The following TTC34 variants were observed in gnomAD, a reference collection of about 807,000 sequenced individuals.
TTC34 encodes tetratricopeptide repeat domain 34, also known as tetratricopeptide repeat protein 34.
In TTC34, 44 loss-of-function variants were observed where a neutral mutation model predicts 40.7. The observed-to-expected ratio is 1.08, with a 90% CI of 0.85 to 1.39. The LOEUF (loss-of-function observed/expected upper bound fraction) is 1.39, where lower values mean the gene tolerates loss of function less well. TTC34 is among the 40% of genes most tolerant of loss of function. The probability of loss-of-function intolerance (pLI) is 0.00; values close to 1 mark genes in which losing one functional copy is unlikely to be tolerated. For synonymous variants in TTC34, 422 were observed against 398.6 expected, an observed-to-expected ratio of 1.06 and a Z score of -0.70; for missense variants, 884 against 838.0, an observed-to-expected ratio of 1.05 and a Z score of -0.68.
intron 6 of TTC34, among the ~76,000 whole-genome samples, chr1:2,652,643 A>AC (rs1034811166): frequency 1.4e-5 from 2 of 146,746 alleles, no homozygotes; most frequent in African/African-American, 5.2e-5. Flanking sequence ...CAGCATCCAC[A>AC]CCCCCAGGTG....
Position 2,773,177 on chromosome 1 carries a change from C to T in TTC34, c.2226+10432G>A, listed in dbSNP as rs1569847794. On this transcript the variant is annotated intron_variant, in intron 6 of 8. Transcript: ENST00000401095. ...CTGACAGCCTGGAGCAGCGCCCACA[C>T]CCCCAGGTGAGCATGTGACAGCCTG... Among the ~76,000 whole-genome samples the T allele has an allele frequency of 8.3e-5, 11 of 132,640 alleles. No homozygotes were observed. In the South Asian group the frequency reaches 2.5e-3, roughly 30 times the overall value. 87.0% of individuals were successfully genotyped at this position (132,640 alleles called of 152,430 possible).
chr1:2,645,386 G>T lies in TTC34; in HGVS notation c.2404C>A (p.Gln802Lys). The change falls in exon 7 of 9, where the codon CAG becomes AAG. Residue 802 changes from glutamine to lysine, a missense_variant. Transcript: ENST00000401095. The surrounding 1 kb of genome is among the most constrained non-coding windows in gnomAD (Gnocchi z 4.7). Reference sequence around the variant, plus strand: ...GCCTCCCCCACAGCAAGGAGGCCCTGGGTGTCCTTGTCCTCGAGAGGGGCC... The same window carrying T: ...GCCTCCCCCACAGCAAGGAGGCCCTTGGTGTCCTTGTCCTCGAGAGGGGCC... 6.5e-7 allele frequency: 1 copy of T among 1,535,568 alleles called. No homozygotes were observed. Among genetic ancestry groups the T allele is most frequent in the Non-Finnish European group, 8.7e-7 (1 of 1,146,596 alleles).
intron 6 of TTC34, among the ~76,000 whole-genome samples, chr1:2,648,058 C>G (rs1423999964): frequency 6.6e-6 from 1 of 151,444 alleles, no homozygotes; most frequent in Non-Finnish European, 1.5e-5. Context: ...CTCACTCATT[C>G]TAGCAAACAT....
At chr1:2,751,710 C>G (rs1641326392) in intron 6 of TTC34, among the ~76,000 whole-genome samples, 15 of 150,268 alleles carry the variant, frequency 1.0e-4, no homozygotes, top group African/African-American at 1.5e-4. Flanking sequence ...ATCCGACAGC[C>G]TGGAGCAGCA....
chr1:2,783,678 C>T (rs1478984073), exon 6 of TTC34: 1 of 1,543,380 alleles, frequency 6.5e-7, no homozygotes. Flanking sequence ...CCGGCTCAGC[C>T]CGCAGCACTG....
At chr1:2,651,051 T>A (rs988242842) in intron 6 of TTC34, among the ~76,000 whole-genome samples, 2 of 141,564 alleles carry the variant, frequency 1.4e-5, no homozygotes, top group African/African-American at 5.4e-5. Context: ...TCTGACAGCC[T>A]AGAACGGTAT....
intron 6 of TTC34, among the ~76,000 whole-genome samples, chr1:2,674,919 A>T: frequency 8.2e-6 from 1 of 121,552 alleles, no homozygotes. Context: ...CAGTGCCCAC[A>T]CCCCGAGGTG....
rs1160981535 is a variant in TTC34, at chr1:2,751,570, C to A, written c.2226+32039G>T. On this transcript the variant is annotated intron_variant, in intron 6 of 8. Transcript: ENST00000401095. ...ACAGCCTGCAACAGCACGCACACCC[C>A]CAGGTGCGCACGTGACAGCCTGCAA... Among the ~76,000 whole-genome samples the A allele has an allele frequency of 5.3e-5, 6 of 113,042 alleles. 1 individual carries two copies. Among genetic ancestry groups the A allele is most frequent in the Admixed American group, 9.1e-5 (1 of 11,018 alleles). The allele number at this position is 113,042 out of a possible 152,430, so 74.2% of individuals were successfully genotyped here. A position where few individuals can be genotyped will look rare whatever the true frequency, so the allele number is the denominator to read the frequency against.
At chr1:2,757,671 C>A (rs1641551955) in intron 6 of TTC34, among the ~76,000 whole-genome samples, 3 of 145,254 alleles carry the variant, frequency 2.1e-5, no homozygotes, top group Non-Finnish European at 4.6e-5. Context: ...GGACCCACAC[C>A]CCTAGGTGAA....
intron 4 of TTC34, among the ~76,000 whole-genome samples, chr1:2,786,429 T>A (rs1643590115): frequency 2.6e-5 from 4 of 152,212 alleles, no homozygotes; most frequent in Admixed American, 2.6e-4. Context: ...GGCCAGGGAC[T>A]GTGTGTCCCC....
intron 6 of TTC34, chr1:2,775,599 G>A (rs1395348276): frequency 6.7e-6 from 1 of 148,778 alleles, no homozygotes; most frequent in African/African-American, 2.6e-5. Context: ...CCCACTCACA[G>A]GTGATGTGAC....
In TTC34 at chr1:2,655,954, A is replaced by G. The variant is rs982791666; in HGVS notation, c.2227-10391T>C. 5.3e-5 allele frequency among the ~76,000 whole-genome samples: 8 copies of G among 152,170 alleles called. No homozygotes were observed. In the East Asian group the frequency reaches 5.8e-4, roughly 11 times the overall value. ...CCACAGCCCAAGGTGAGCATCTGAC[A>G]ACCAGGAGCAGCACCCACACCCCCA... On this transcript the variant is annotated intron_variant, in intron 6 of 8. Transcript: ENST00000401095.
rs1234556023 is a variant in TTC34 at position 2,752,779 on chromosome 1, G to T, written c.2226+30830C>A. ...GCGTGGAACAGCACCCATACGCCCA[G>T]ATAAGCATGTGACAGCCTGGAACAG... On this transcript the variant is annotated intron_variant, in intron 6 of 8. Coordinates refer to ENST00000401095, the Ensembl canonical transcript of TTC34. Among the ~76,000 whole-genome samples, 40 of 123,856 alleles carry T rather than the reference G, an allele frequency of 3.2e-4. 7 individuals are homozygous for T. The highest frequency in any genetic ancestry group is 1.3e-3 in the African/African-American group (38 of 29,652). 81.3% of individuals were successfully genotyped at this position (123,856 alleles called of 152,430 possible).
At chr1:2,764,345 C>A (rs1392206227) in intron 6 of TTC34, among the ~76,000 whole-genome samples, 1 of 142,660 alleles carries the variant, frequency 7.0e-6, no homozygotes, top group Non-Finnish European at 1.5e-5. Context: ...CCCACACCCC[C>A]AAGTGAGCAG....
intron 6 of TTC34, among the ~76,000 whole-genome samples, chr1:2,769,873 C>T (rs1229031077): frequency 2.0e-5 from 2 of 99,092 alleles, no homozygotes; most frequent in Admixed American, 1.9e-4. Context: ...GCACCCACAC[C>T]CCCAGTTGAG....
chr1:2,646,346 C>T (rs1292227654), intron 6 of TTC34, among the ~76,000 whole-genome samples: 2 of 152,148 alleles, frequency 1.3e-5, no homozygotes, highest in African/African-American at 4.8e-5. Flanking sequence ...CTACACTGAG[C>T]GATGCATTTC....
intron 6 of TTC34, among the ~76,000 whole-genome samples, chr1:2,761,333 A>C (rs1211424769): frequency 1.4e-4 from 10 of 72,494 alleles, no homozygotes; most frequent in East Asian, 4.1e-4. Context: ...ACCCCAGGTG[A>C]GTATCTGACA....
intron 6 of TTC34, among the ~76,000 whole-genome samples, chr1:2,647,378 AT>A (rs1639039992): frequency 6.6e-6 from 1 of 152,160 alleles, no homozygotes; most frequent in Non-Finnish European, 1.5e-5. Context: ...TAATCCCAGC[AT>A]GTTGGGAGGC....
At chr1:2,751,407 A>G (rs1173962225) in intron 6 of TTC34, among the ~76,000 whole-genome samples, 1,955 of 38,302 alleles carry the variant, frequency 0.051, 7 homozygotes, top group Admixed American at 0.067. Context: ...GCACCCACAC[A>G]CACAGGTGGG....
Sources: gnomAD v4.1 joint callset for allele counts (sites outside exome capture counted in the v4.1 genomes callset) on GRCh38, gnomAD v4.1.1 for gene constraint, Gnocchi (gnomAD v3.1) non-coding constraint, MANE v1.5 for transcripts, NCBI Gene and HGNC (gene_info 2026-07-23, HGNC 2026-07-21) for gene names.